DOCK1: variants seen among roughly 807,000 people sequenced by gnomAD.
DOCK1 encodes dedicator of cytokinesis 1.
Under a neutral mutation model 262.7 loss-of-function variants are expected in DOCK1, and 138 were observed. The observed-to-expected ratio is 0.53, with a 90% CI of 0.46 to 0.61. The LOEUF (loss-of-function observed/expected upper bound fraction) is 0.61, where lower values mean the gene tolerates loss of function less well. Ranked by LOEUF, DOCK1 falls within the 20% of genes least tolerant of loss-of-function variation. DOCK1 has a pLI of 0.00. For missense variants in DOCK1, 1,908 were observed against 2,370.7 expected (o/e 0.80, Z 4.05); for synonymous variants, 866 against 867.4 (o/e 1.00, Z 0.03).
intron 29 of DOCK1, among the ~76,000 whole-genome samples, chr10:127,313,939 T>C (rs56386532): frequency 0.023 from 3,439 of 152,348 alleles, 132 homozygotes; most frequent in African/African-American, 0.077. Context: ...CTCCCTCCGA[T>C]GTGCACATCG....
intron 29 of DOCK1, chr10:127,272,177 AC>A (rs1351423119): frequency 1.3e-5 from 2 of 152,240 alleles, no homozygotes; most frequent in African/African-American, 4.8e-5. Flanking sequence ...AATTGAAGAT[AC>A]AAATTATGTT....
chr10:127,325,963 T>C (rs1015264639), intron 29 of DOCK1, among the ~76,000 whole-genome samples: 6 of 152,246 alleles, frequency 3.9e-5, no homozygotes, highest in Non-Finnish European at 8.8e-5. Flanking sequence ...ATATATGTTA[T>C]GTTTACACTA....
chr10:127,312,209 G>A (rs542351486), intron 29 of DOCK1, among the ~76,000 whole-genome samples: 4 of 152,270 alleles, frequency 2.6e-5, no homozygotes, highest in Admixed American at 6.5e-5. Flanking sequence ...GAGAATTGGG[G>A]CTATTAAACT....
chr10:127,118,084 A>G (rs2049303872), intron 25 of DOCK1, among the ~76,000 whole-genome samples: 2 of 152,084 alleles, frequency 1.3e-5, no homozygotes, highest in Admixed American at 6.5e-5. Context: ...GCCAAGACCT[A>G]TGTTTTTTTG....
intron 31 of DOCK1, among the ~76,000 whole-genome samples, chr10:127,354,212 T>G (rs1482166805): frequency 6.6e-6 from 1 of 152,204 alleles, no homozygotes; most frequent in Non-Finnish European, 1.5e-5. Flanking sequence ...TCCTTACATT[T>G]AAAATGACAT....
intron 29 of DOCK1, among the ~76,000 whole-genome samples, chr10:127,329,798 G>A (rs1472886596): frequency 6.6e-6 from 1 of 152,170 alleles, no homozygotes; most frequent in Non-Finnish European, 1.5e-5. Flanking sequence ...GGAGGTAGAG[G>A]CGAATAAGAA....
chr10:127,145,252 G>A (rs957905210), intron 27 of DOCK1, among the ~76,000 whole-genome samples: 1 of 152,076 alleles, frequency 6.6e-6, no homozygotes, highest in Non-Finnish European at 1.5e-5. Flanking sequence ...AGGAGCAGAG[G>A]CAGACCCAAG....
At chr10:127,106,447 G>A (rs2048535304) in intron 24 of DOCK1, 146 bp downstream of exon 24, 2 of 798,792 alleles carry the variant, frequency 2.5e-6, no homozygotes, top group Non-Finnish European at 3.9e-6. Flanking sequence ...GTTGCTGGTG[G>A]TGTCTGTGAC....
chr10:126,975,913 T>C (rs111348463), intron 2 of DOCK1, among the ~76,000 whole-genome samples: 1,829 of 152,276 alleles, frequency 0.012, 37 homozygotes, highest in African/African-American at 0.04. Context: ...GCCACCACTC[T>C]TGGCCTCATT....
intron 7 of DOCK1, among the ~76,000 whole-genome samples, chr10:126,997,152 G>A (rs1260007176): frequency 6.6e-6 from 1 of 152,120 alleles, no homozygotes; most frequent in Non-Finnish European, 1.5e-5. Flanking sequence ...TGTCAAATGA[G>A]ACACAAGACT....
intron 29 of DOCK1, among the ~76,000 whole-genome samples, chr10:127,307,459 G>A (rs549005097): frequency 6.6e-6 from 1 of 152,336 alleles, no homozygotes; most frequent in South Asian, 2.1e-4. Flanking sequence ...CTGTCGTTCA[G>A]TCCGCTGTCT....
chr10:127,408,448 C>G (rs1240034490), intron 40 of DOCK1, among the ~76,000 whole-genome samples: 2 of 152,206 alleles, frequency 1.3e-5, no homozygotes, highest in Admixed American at 1.3e-4. Context: ...AGGCCAGGAA[C>G]TTAGTAGCTC....
intron 6 of DOCK1, among the ~76,000 whole-genome samples, chr10:126,992,366 C>T (rs888029817): frequency 6.6e-5 from 10 of 152,130 alleles, no homozygotes; most frequent in Non-Finnish European, 1.5e-4. Flanking sequence ...CAGTTTACTA[C>T]TTTGATAGGA....
chr10:127,102,006 T>G (rs1435317341), intron 23 of DOCK1, among the ~76,000 whole-genome samples: 1 of 152,112 alleles, frequency 6.6e-6, no homozygotes, highest in Non-Finnish European at 1.5e-5. Flanking sequence ...TTATTACGAT[T>G]TAGTGCTCTT....
At chr10:126,933,683 G>A (rs2034348042) in intron 1 of DOCK1, among the ~76,000 whole-genome samples, 1 of 152,168 alleles carries the variant, frequency 6.6e-6, no homozygotes, top group South Asian at 2.1e-4. Flanking sequence ...TGGAAATGAT[G>A]AGGTGTGTAT....
chr10:127,144,689 G>A (rs969055243), intron 27 of DOCK1, among the ~76,000 whole-genome samples: 1 of 151,866 alleles, frequency 6.6e-6, no homozygotes, highest in Non-Finnish European at 1.5e-5. Flanking sequence ...AATATATATG[G>A]ATCTCATCCT....
chr10:126,918,302 G>A (rs530688920), intron 1 of DOCK1, among the ~76,000 whole-genome samples: 4 of 151,778 alleles, frequency 2.6e-5, no homozygotes, highest in African/African-American at 4.9e-5. Context: ...ATCCACCAGC[G>A]TGCAGCGGGG....
At position 127,253,874 on chromosome 10, in the gene DOCK1, CA is replaced by C. The variant is rs575042004; in HGVS notation, c.2950-3442del. Among the ~76,000 whole-genome samples, 61 of 101,470 alleles carry C rather than the reference CA, an allele frequency of 6.0e-4. 1 individual carries two copies. The highest frequency in any genetic ancestry group is 1.4e-3 in the African/African-American group (38 of 28,148). The allele number at this position is 101,470 out of a possible 152,430, so 66.6% of individuals were successfully genotyped here. ...TGGGTGATAGCATGAGACCCTGTCTCAAAAAAAAAAAAAAAAAAAGGAAACC... is the reference window on the plus strand; with the variant it reads ...TGGGTGATAGCATGAGACCCTGTCTCAAAAAAAAAAAAAAAAAAGGAAACC... On this transcript the variant is annotated intron_variant, in intron 28 of 51. Coordinates refer to ENST00000623213, the MANE Select transcript of DOCK1 (RefSeq NM_001290223.2).
At position 127,189,083 on chromosome 10, in the gene DOCK1, TG is replaced by T. The variant is rs1161837759; in HGVS notation, c.2848-58922del. ...GGATGTACACAAAGACAGCACACCT[TG>T]GGATGTGTTGTGCATGTGGATGACA... On this transcript the variant is annotated intron_variant, in intron 27 of 51. Coordinates refer to ENST00000623213, the MANE Select transcript of DOCK1 (RefSeq NM_001290223.2). 5.9e-5 allele frequency among the ~76,000 whole-genome samples: 9 copies of T among 152,082 alleles called. No individual in the cohort carries two copies. The South Asian group carries it at 1.5e-3, about 25-fold the overall frequency.
Sources: allele counts gnomAD v4.1 joint callset (sites outside exome capture counted in the v4.1 genomes callset), GRCh38; gene constraint gnomAD v4.1.1; transcripts MANE v1.5; gene names NCBI Gene and HGNC (gene_info 2026-07-23, HGNC 2026-07-21).